IPPK: variants seen among roughly 807,000 people sequenced by gnomAD.
The protein encoded by IPPK is inositol-pentakisphosphate 2-kinase, also known as IPK1 homolog.
In IPPK, 22 loss-of-function variants were observed where a neutral mutation model predicts 64.6. That is an observed-to-expected ratio of 0.34 (90% CI 0.24 to 0.49). The LOEUF is 0.49. IPPK is among the 20% of genes least tolerant of loss of function. The pLI is 0.99. For synonymous variants in IPPK, 262 were observed against 247.2 expected (o/e 1.06, Z -0.56); for missense variants, 532 against 630.7 (o/e 0.84, Z 1.68).
At chr9:92,643,239 G>A (rs1276157490) in intron 6 of IPPK, among the ~76,000 whole-genome samples, 1 of 152,234 alleles carries the variant, frequency 6.6e-6, no homozygotes, top group Non-Finnish European at 1.5e-5. Context: ...CAACTTGCTG[G>A]TATCCACCAA....
intron 7 of IPPK, 93 bp from the exon 8 acceptor site, chr9:92,640,875 G>A: frequency 1.1e-6 from 1 of 886,976 alleles, no homozygotes; most frequent in Non-Finnish European, 1.9e-6. Flanking sequence ...GACATGCTGG[G>A]TACTCCCAGG....
chr9:92,649,679 C>A, intron 4 of IPPK, 105 bp from the exon 5 acceptor site: 1 of 1,346,000 alleles, frequency 7.4e-7, no homozygotes, highest in South Asian at 1.3e-5. Flanking sequence ...GGGGGCATCT[C>A]TGTACCTGAT....
chr9:92,630,919 C>CA lies in IPPK; in HGVS notation c.1170+3466dup, dbSNP rs574644529. Among the ~76,000 whole-genome samples the CA allele has an allele frequency of 1.3e-3, 204 of 152,238 alleles. No homozygotes were observed. In the Middle Eastern group the frequency reaches 0.02, roughly 15 times the overall value. ...CTAATAAGTAAAAGTACACAGAGGT[C>CA]AAAAAACTATGGGCTGGGGGCCAAA... is the stretch of plus-strand genomic sequence containing the variant. On this transcript the variant is annotated intron_variant, in intron 11 of 12. Transcript: ENST00000287996.
chr9:92,615,696 C>A lies in IPPK; in HGVS notation c.*136G>T. 1.5e-6 allele frequency: 1 copy of A among 652,174 alleles called. No homozygotes were observed. The allele number at this position is 652,174 out of a possible 1,614,324, so 40.4% of individuals were successfully genotyped here. ...CTAGTGCTCTTCAATTCCATGTCTC[C>A]AAGAGGCAATCCCACCTCAAAAGGG... On this transcript the variant is annotated 3_prime_UTR_variant, in exon 13 of 13. Transcript: ENST00000287996.
At chr9:92,656,148 G>C (rs1587642212) in intron 3 of IPPK, among the ~76,000 whole-genome samples, 2 of 152,200 alleles carry the variant, frequency 1.3e-5, no homozygotes, top group Non-Finnish European at 2.9e-5. Context: ...CAGGGGCAGA[G>C]AGCAATGCCA....
Position 92,658,532 on chromosome 9 carries a change from T to C in IPPK, c.129+102A>G, listed in dbSNP as rs1852418726. 4 of 991,360 alleles carry C rather than the reference T, an allele frequency of 4.0e-6. No individual in the cohort carries two copies. In the South Asian group the frequency reaches 5.4e-5, roughly 13 times the overall value. 61.4% of individuals were successfully genotyped at this position (991,360 alleles called of 1,614,324 possible). ...TTCTGCACTGAATGCTTGTATCATCTTTGAATGCTACAACTAGCATCAATG... is the reference window on the plus strand; with the variant it reads ...TTCTGCACTGAATGCTTGTATCATCCTTGAATGCTACAACTAGCATCAATG... On this transcript the variant is annotated intron_variant, in intron 2 of 12. Coordinates refer to ENST00000287996, the MANE Select transcript of IPPK (RefSeq NM_022755.6).
chr9:92,656,480 C>A lies in IPPK; in HGVS notation c.201G>T (p.Leu67Phe). The A allele has an allele frequency of 6.2e-7, 1 of 1,612,620 alleles. No homozygotes were observed. The highest frequency in any genetic ancestry group is 8.5e-7 in the Non-Finnish European group (1 of 1,178,622). ...DFGKNVMKEFLGENYVHYGEV... is the reference protein window; with the variant it reads ...DFGKNVMKEFFGENYVHYGEV... ...CCCCATAATGAACATAGTTCTCCCCCAAAAACTCCTTCATGACATTTTTCC... is the reference window on the plus strand; with the variant it reads ...CCCCATAATGAACATAGTTCTCCCCAAAAAACTCCTTCATGACATTTTTCC... Residue 67 changes from leucine (L) to phenylalanine (F), a missense_variant, in exon 3 of 13, where the codon TTG becomes TTT. Coordinates refer to ENST00000287996, the MANE Select transcript of IPPK (RefSeq NM_022755.6).
chr9:92,651,058 C>G (rs1410161042), intron 4 of IPPK, among the ~76,000 whole-genome samples: 1 of 152,132 alleles, frequency 6.6e-6, no homozygotes, highest in Non-Finnish European at 1.5e-5. Context: ...TGGAGCCGGG[C>G]TCAGACTGCA....
At chr9:92,658,425 G>A (rs7856527) in intron 2 of IPPK, among the ~76,000 whole-genome samples, 5,810 of 152,276 alleles carry the variant, frequency 0.038, 154 homozygotes, top group Middle Eastern at 0.075. Context: ...CTGGCTGAGC[G>A]CCACATAGAC....
At position 92,613,426 on chromosome 9, in the gene IPPK, T is replaced by G. The variant is rs554208425; in HGVS notation, c.*2406A>C. 7 of 355,358 alleles carry G rather than the reference T, an allele frequency of 2.0e-5. No homozygotes were observed. The highest frequency in any genetic ancestry group is 1.1e-4 in the Admixed American group (3 of 26,160). The allele number at this position is 355,358 out of a possible 1,614,324, so 22.0% of individuals were successfully genotyped here. On this transcript the variant is annotated 3_prime_UTR_variant, in exon 13 of 13. Coordinates refer to ENST00000287996, the MANE Select transcript of IPPK (RefSeq NM_022755.6). ...CCAAGTGGTTGTGTGTCCTCAGATG[T>G]GTGGGGAGGATCCATCCCCCACCCA...
chr9:92,640,861 A>C, intron 7 of IPPK, 79 bp from the exon 8 acceptor site: 4 of 1,007,274 alleles, frequency 4.0e-6, no homozygotes, highest in Non-Finnish European at 1.6e-6. Context: ...CTCGTGGCTC[A>C]GAGGACATGC....
intron 7 of IPPK, 65 bp downstream of exon 7, chr9:92,642,687 G>A: frequency 7.0e-7 from 1 of 1,421,286 alleles, no homozygotes; most frequent in Non-Finnish European, 9.9e-7. Flanking sequence ...ACCAGGCACT[G>A]GCCCCCGCCC....
At chr9:92,619,715 C>T (rs1050070024) in intron 11 of IPPK, 150 bp from the exon 12 acceptor site, 29 of 699,240 alleles carry the variant, frequency 4.1e-5, no homozygotes, top group Admixed American at 3.2e-4. Context: ...TGAGCACGGG[C>T]GTCAGGAGGT....
chr9:92,619,487 T>A lies in IPPK; in HGVS notation c.1249A>T (p.Ser417Cys). 3.2e-6 allele frequency: 5 copies of A among 1,585,626 alleles called. No individual in the cohort carries two copies. Among genetic ancestry groups the A allele is most frequent in the Non-Finnish European group, 4.3e-6 (5 of 1,165,986 alleles). ...CATGCCTTGCAGTGGGGGCCTCACC[T>A]GGCATCCTGCAGACAGGGAGACAGT... is the stretch of plus-strand genomic sequence containing the variant. ...IALSPCLQDA[S>C]SDQRPVVPSS... Residue 417 changes from serine to cysteine, a missense_variant and splice_region_variant, in exon 12 of 13, where the codon AGC becomes TGC. Ser to Cys is a moderately radical substitution (Grantham distance 112). Coordinates refer to ENST00000287996, the MANE Select transcript of IPPK (RefSeq NM_022755.6).
At chr9:92,628,812 G>A (rs1310903449) in intron 11 of IPPK, among the ~76,000 whole-genome samples, 1 of 152,120 alleles carries the variant, frequency 6.6e-6, no homozygotes, top group Non-Finnish European at 1.5e-5. Context: ...AGGAGGCAGA[G>A]GTTGTTGCAG....
At chr9:92,627,011 G>C (rs1851746800) in intron 11 of IPPK, among the ~76,000 whole-genome samples, 1 of 151,238 alleles carries the variant, frequency 6.6e-6, no homozygotes, top group Admixed American at 6.6e-5. Context: ...TTCAGATACA[G>C]AGGGAATTTA....
At chr9:92,661,995 C>T (rs1456727484) in intron 1 of IPPK, among the ~76,000 whole-genome samples, 1 of 152,172 alleles carries the variant, frequency 6.6e-6, no homozygotes, top group African/African-American at 2.4e-5. Context: ...AGCAGAAAGA[C>T]ACAATGAGTC....
rs1851761430 is a variant in IPPK, at chr9:92,627,831, CTGGAGGCTCT to C, written c.1170+6545_1170+6554del. On this transcript the variant is annotated intron_variant, in intron 11 of 12. Transcript: ENST00000287996. ...CCTGCCATTTTTATTCAACATTGTA[CTGGAGGCTCT>C]AGTCAGGAAATTACGCAAGAAAAAT... 3.7e-4 allele frequency among the ~76,000 whole-genome samples: 56 copies of C among 152,130 alleles called. 1 individual carries two copies. The highest frequency in any genetic ancestry group is 7.3e-5 in the Non-Finnish European group (5 of 68,028).
At position 92,638,291 on chromosome 9, in the gene IPPK, G is replaced by A; in HGVS notation, c.637-11C>T. On this transcript the variant is annotated splice_polypyrimidine_tract_variant and intron_variant, in intron 8 of 12. Coordinates refer to ENST00000287996, the MANE Select transcript of IPPK (RefSeq NM_022755.6). ...AATCAGCTCACCATTCTTCAGACAG[G>A]GAAAAGAAAGAGGGAAACGTCAAAC... 1 of 1,606,984 alleles carries A rather than the reference G, an allele frequency of 6.2e-7. No individual in the cohort carries two copies. Among genetic ancestry groups the A allele is most frequent in the African/African-American group, 1.3e-5 (1 of 74,870 alleles).
Sources: allele counts gnomAD v4.1 joint callset (sites outside exome capture counted in the v4.1 genomes callset), GRCh38; gene constraint gnomAD v4.1.1; transcripts MANE v1.5; gene names NCBI Gene and HGNC (gene_info 2026-07-23, HGNC 2026-07-21).